PDZRN4: variants seen among roughly 807,000 people sequenced by gnomAD.
PDZRN4 encodes the protein PDZ domain-containing RING finger protein 4.
A neutral mutation model predicts 99.0 loss-of-function variants in PDZRN4; 70 were observed. The observed-to-expected ratio is 0.71, with a 90% confidence interval of 0.58 to 0.86. The LOEUF (loss-of-function observed/expected upper bound fraction) is 0.86, where lower values mean the gene tolerates loss of function less well. PDZRN4 is among the 40% of genes least tolerant of loss of function. The probability of loss-of-function intolerance (pLI) is 0.00; values close to 1 mark genes in which losing one functional copy is unlikely to be tolerated. For missense variants in PDZRN4, 1,474 were observed against 1,331.2 expected (o/e 1.11, Z -1.67); for synonymous variants, 551 against 501.6 (o/e 1.10, Z -1.32).
At chr12:41,476,793 G>A (rs370072585) in intron 3 of PDZRN4, among the ~76,000 whole-genome samples, 1 of 152,142 alleles carries the variant, frequency 6.6e-6, no homozygotes, top group Non-Finnish European at 1.5e-5. Context: ...TGGCGGCCTC[G>A]ATCTCCAATT....
chr12:41,367,005 G>A (rs1279296440), intron 3 of PDZRN4, among the ~76,000 whole-genome samples: 4 of 152,098 alleles, frequency 2.6e-5, no homozygotes, highest in South Asian at 4.2e-4. Context: ...TTAGACCTAC[G>A]GGGAGCTGTT....
chr12:41,454,046 T>C (rs1279928580), intron 3 of PDZRN4, among the ~76,000 whole-genome samples: 1 of 151,728 alleles, frequency 6.6e-6, no homozygotes, highest in East Asian at 1.9e-4. Context: ...TCAGGTTTTT[T>C]TTCTTCTGAT....
At chr12:41,411,825 A>G (rs542896339) in intron 3 of PDZRN4, 4 of 152,312 alleles carry the variant, frequency 2.6e-5, no homozygotes, top group African/African-American at 9.6e-5. Context: ...TCAGTTCTCA[A>G]TGTGATCAGC....
At chr12:41,201,738 G>A (rs183391076) in intron 3 of PDZRN4, among the ~76,000 whole-genome samples, 3 of 152,112 alleles carry the variant, frequency 2.0e-5, no homozygotes, top group Admixed American at 2.0e-4. Context: ...TATTTATTAC[G>A]AGATCAATCA....
chr12:41,447,498 G>A (rs563656725), intron 3 of PDZRN4, among the ~76,000 whole-genome samples: 1 of 152,200 alleles, frequency 6.6e-6, no homozygotes, highest in Non-Finnish European at 1.5e-5. Context: ...TAACTTCATT[G>A]AGCCTCTGTT....
intron 3 of PDZRN4, chr12:41,437,759 AG>A: frequency 1.3e-6 from 2 of 1,504,124 alleles, no homozygotes; most frequent in Non-Finnish European, 1.8e-6. Flanking sequence ...GGGAAAGCGA[AG>A]AAGAGCATGC....
intron 7 of PDZRN4, among the ~76,000 whole-genome samples, chr12:41,559,789 G>C (rs1217289214): frequency 6.6e-6 from 1 of 152,152 alleles, no homozygotes; most frequent in Non-Finnish European, 1.5e-5. Context: ...GAGGGACCCA[G>C]TGTTAGGTAA....
chr12:41,426,082 TC>T (rs1952533898), intron 3 of PDZRN4, among the ~76,000 whole-genome samples: 1 of 152,188 alleles, frequency 6.6e-6, no homozygotes, highest in Non-Finnish European at 1.5e-5. Context: ...TGTTTTTAAA[TC>T]CATCAATGTA....
chr12:41,474,365 T>TA (rs1477588904), intron 3 of PDZRN4, among the ~76,000 whole-genome samples: 6 of 152,238 alleles, frequency 3.9e-5, no homozygotes, highest in Non-Finnish European at 7.3e-5. Flanking sequence ...AAGCATTTAT[T>TA]ATACAACAGG....
In PDZRN4 at chr12:41,188,587, C is replaced by G. The variant is rs2120619919; in HGVS notation, c.132C>G (p.Pro44=). 11 of 1,542,882 alleles carry G rather than the reference C, an allele frequency of 7.1e-6. No homozygotes were observed. In the East Asian group the frequency reaches 1.2e-4, roughly 17 times the overall value. The stretch of plus-strand genomic sequence containing the variant: ...TCTTCTGCGCCAGCTGCCTGTTGCC[C>G]TGGGCGGTGCGGAGGCGCCGGTGCC... ...GHVFCASCLL[P]WAVRRRRCPL... The change falls in exon 1 of 10, where the codon CCC becomes CCG. Residue 44 remains proline, a synonymous_variant. Transcript: ENST00000402685.
At chr12:41,224,598 A>G (rs1442961013) in intron 3 of PDZRN4, among the ~76,000 whole-genome samples, 6 of 152,206 alleles carry the variant, frequency 3.9e-5, no homozygotes, top group Admixed American at 1.3e-4. Flanking sequence ...TGTTCTGAGA[A>G]GTAGAGAATT....
intron 3 of PDZRN4, among the ~76,000 whole-genome samples, chr12:41,254,430 AT>A (rs1244077585): frequency 6.6e-6 from 1 of 152,220 alleles, no homozygotes; most frequent in Non-Finnish European, 1.5e-5. Context: ...CAAAACTATA[AT>A]GCTTAACAGT....
intron 3 of PDZRN4, among the ~76,000 whole-genome samples, chr12:41,417,144 G>A (rs144969177): frequency 6.6e-6 from 1 of 152,114 alleles, no homozygotes; most frequent in African/African-American, 2.4e-5. Context: ...AAAGGAAATT[G>A]CCATATTTCC....
chr12:41,566,673 C>T (rs1298012109), intron 8 of PDZRN4, among the ~76,000 whole-genome samples: 1 of 152,094 alleles, frequency 6.6e-6, no homozygotes, highest in East Asian at 1.9e-4. Flanking sequence ...GCTAATGCCT[C>T]TTTTGGTGCA....
At chr12:41,519,929 C>G (rs1250498822) in intron 5 of PDZRN4, among the ~76,000 whole-genome samples, 1 of 152,072 alleles carries the variant, frequency 6.6e-6, no homozygotes, top group Non-Finnish European at 1.5e-5. Context: ...GCACTTCCCC[C>G]CATCTGCCTC....
At chr12:41,373,400 ACAGCCGCCCCTGAAG>A (rs1952057648) in intron 3 of PDZRN4, among the ~76,000 whole-genome samples, 1 of 152,126 alleles carries the variant, frequency 6.6e-6, no homozygotes, top group Admixed American at 6.5e-5. Flanking sequence ...ACCATAAAAG[ACAGCCGCCCCTGAAG>A]CAGCCATTTC....
intron 3 of PDZRN4, among the ~76,000 whole-genome samples, chr12:41,220,079 T>C (rs554168570): frequency 6.6e-6 from 1 of 152,024 alleles, no homozygotes; most frequent in East Asian, 1.9e-4. Flanking sequence ...TATGAAGATT[T>C]TTATGTTGGT....
chr12:41,499,440 C>T (rs531530286), intron 3 of PDZRN4, among the ~76,000 whole-genome samples: 9 of 152,134 alleles, frequency 5.9e-5, no homozygotes. Context: ...AGAATCAGAA[C>T]ATACCATAAC....
intron 3 of PDZRN4, among the ~76,000 whole-genome samples, chr12:41,352,684 G>T (rs1405549): frequency 6.6e-6 from 1 of 151,882 alleles, no homozygotes; most frequent in Admixed American, 6.6e-5. Flanking sequence ...GAGAAAGTAC[G>T]TGGAGGTGGG....
Sources: allele counts gnomAD v4.1 joint callset (sites outside exome capture counted in the v4.1 genomes callset), GRCh38; gene constraint gnomAD v4.1.1; transcripts MANE v1.5; gene names NCBI Gene and HGNC (gene_info 2026-07-23, HGNC 2026-07-21).